Variants in LGMN observed in about 807,000 individuals in gnomAD.
LGMN encodes asparaginyl endopeptidase.
In LGMN, 36 loss-of-function variants were observed where a neutral mutation model predicts 56.8. The observed-to-expected ratio is 0.63, with a 90% CI of 0.49 to 0.84. LGMN has a LOEUF of 0.84. LGMN is among the 40% of genes least tolerant of loss of function. The pLI is 0.00. For synonymous variants in LGMN, 199 were observed against 210.1 expected, an observed-to-expected ratio of 0.95 and a Z score of 0.46; for missense variants, 446 against 556.1, an observed-to-expected ratio of 0.80 and a Z score of 1.99.
At chr14:92,705,830 G>A (rs1482151526) in intron 12 of LGMN, among the ~76,000 whole-genome samples, 1 of 152,138 alleles carries the variant, frequency 6.6e-6, no homozygotes, top group Non-Finnish European at 1.5e-5. Context: ...GTCTTACCAT[G>A]TTGGCCAGGC....
At chr14:92,715,902 T>G in intron 5 of LGMN, 1 of 321,582 alleles carries the variant, frequency 3.1e-6, no homozygotes, top group East Asian at 6.4e-5. Context: ...AGGAACATTT[T>G]ATTAATAATG....
intron 2 of LGMN, 56 bp from the exon 3 acceptor site, chr14:92,718,900 G>T: frequency 8.5e-7 from 1 of 1,182,144 alleles, no homozygotes; most frequent in Non-Finnish European, 1.3e-6. Flanking sequence ...CAATTTTGGA[G>T]TTCTAAGGAG....
At chr14:92,717,854 C>T (rs1006524322) in intron 3 of LGMN, among the ~76,000 whole-genome samples, 2 of 152,156 alleles carry the variant, frequency 1.3e-5, no homozygotes, top group African/African-American at 2.4e-5. Context: ...GGCGTTAAAG[C>T]GTCAGAGTGG....
At chr14:92,724,574 T>TC (rs1890652999) in intron 2 of LGMN, among the ~76,000 whole-genome samples, 1 of 152,148 alleles carries the variant, frequency 6.6e-6, no homozygotes, top group African/African-American at 2.4e-5. Context: ...TACTGTATTT[T>TC]CCCCGCATAA....
chr14:92,717,528 A>C, intron 3 of LGMN, 67 bp from the exon 4 acceptor site: 3 of 1,143,248 alleles, frequency 2.6e-6, no homozygotes, highest in Non-Finnish European at 4.0e-6. Context: ...CTTCAAACAC[A>C]TGTATGTTAT....
intron 1 of LGMN, among the ~76,000 whole-genome samples, chr14:92,734,657 A>C (rs1409004068): frequency 6.6e-6 from 1 of 152,152 alleles, no homozygotes; most frequent in Non-Finnish European, 1.5e-5. Flanking sequence ...AAAAAAAAAA[A>C]AAACTTTATT....
At chr14:92,741,004 T>G (rs571280685) in intron 1 of LGMN, 1 of 152,110 alleles carries the variant, frequency 6.6e-6, no homozygotes, top group Non-Finnish European at 1.5e-5. Flanking sequence ...CTGGCCAACA[T>G]GGTGAAACCC....
rs1356012565 is a variant in LGMN, at chr14:92,719,183, T to TCACCACCACCGCCACCAA, written c.139-357_139-340dup. ...GCCACCACCACCACCACCACCACCA[T>TCACCACCACCGCCACCAA]CACCACCACCGCCACCAACACCACC... On this transcript the variant is annotated intron_variant, in intron 2 of 13. Transcript: ENST00000334869. Among the ~76,000 whole-genome samples, 8 of 22,096 alleles carry TCACCACCACCGCCACCAA rather than the reference T, an allele frequency of 3.6e-4. 1 individual carries two copies. The highest frequency in any genetic ancestry group is 6.3e-4 in the Non-Finnish European group (7 of 11,122). 14.5% of individuals were successfully genotyped at this position (22,096 alleles called of 152,430 possible).
chr14:92,707,261 A>C (rs986581228), intron 11 of LGMN, among the ~76,000 whole-genome samples: 9 of 151,438 alleles, frequency 5.9e-5, no homozygotes, highest in African/African-American at 2.2e-4. Context: ...AAAAAAAAAA[A>C]AACCTTCACT....
At position 92,709,704 on chromosome 14, in the gene LGMN, G is replaced by T. The variant is rs746702295; in HGVS notation, c.988C>A (p.Gln330Lys). The change falls in exon 11 of 14, where the codon CAG becomes AAG. Residue 330 changes from glutamine to lysine, a missense_variant. Transcript: ENST00000334869. ...TGCCGCTGGATCTCCTCCGTGAGCT[G>T]CCTGGACTCCTCCAGATCATTGGTG... ...MNTNDLEESR[Q>K]LTEEIQRHLD... 5.0e-6 allele frequency: 8 copies of T among 1,613,636 alleles called. No homozygotes were observed. The African/African-American group carries it at 8.0e-5, about 16-fold the overall frequency.
chr14:92,726,334 T>C (rs889733979), intron 2 of LGMN, among the ~76,000 whole-genome samples: 4 of 151,964 alleles, frequency 2.6e-5, no homozygotes, highest in African/African-American at 7.3e-5. Flanking sequence ...GGCCACTCCC[T>C]CTCGCCTCCG....
chr14:92,729,404 T>C (rs1764049344), intron 2 of LGMN, among the ~76,000 whole-genome samples: 1 of 125,122 alleles, frequency 8.0e-6, no homozygotes, highest in Admixed American at 8.8e-5. Context: ...AAAGGGGCCC[T>C]CCTTACTCAC....
At position 92,709,812 on chromosome 14, in the gene LGMN, C is replaced by T. The variant is rs144367876; in HGVS notation, c.880G>A (p.Val294Ile). Reference protein sequence around the residue: ...QGMKRKASSPVPLPPVTHLDL... With the variant: ...QGMKRKASSPIPLPPVTHLDL... ...AGGTGTGTGACTGGAGGTAGGGGGA[C>T]GGGAGAACTGGCTTTGCGTTTCATA... The change falls in exon 11 of 14, where the codon GTC (valine) becomes ATC (isoleucine). Residue 294 changes from valine to isoleucine, a missense_variant. By Grantham distance (29) the Val-to-Ile change is conservative. Transcript: ENST00000334869. The T allele has an allele frequency of 1.4e-3, 2,190 of 1,613,576 alleles. 48 individuals carry two copies. In the South Asian group the frequency reaches 0.022, roughly 16 times the overall value.
At chr14:92,716,335 A>G (rs772917272) in intron 4 of LGMN, 114 bp from the exon 5 acceptor site, 25 of 789,678 alleles carry the variant, frequency 3.2e-5, no homozygotes, top group Non-Finnish European at 5.6e-5. Flanking sequence ...CTCATGGCTT[A>G]ACAGCAAACA....
At chr14:92,717,346 A>G (rs1280774797) in intron 4 of LGMN, 34 bp downstream of exon 4, 1 of 1,325,938 alleles carries the variant, frequency 7.5e-7, no homozygotes, top group East Asian at 2.4e-5. Context: ...AATGAAAACT[A>G]AACCAGCTGG....
At chr14:92,729,599 A>C (rs1890944624) in intron 2 of LGMN, among the ~76,000 whole-genome samples, 1 of 151,974 alleles carries the variant, frequency 6.6e-6, no homozygotes, top group South Asian at 2.1e-4. Flanking sequence ...GCAATGATTT[A>C]TTTGTGCCTG....
chr14:92,704,956 AG>A, intron 12 of LGMN: 1 of 433,998 alleles, frequency 2.3e-6, no homozygotes, highest in Non-Finnish European at 4.4e-6. Context: ...ATCTGAGGGC[AG>A]GACTCCTGAC....
Position 92,718,740 on chromosome 14 carries a change from C to T in LGMN, c.236+7G>A. ...TCCCCACCAAGTTCCAAGTGTTCCC[C>T]ACTTACTCTTCAGAGTAAGCAATGT... On this transcript the variant is annotated splice_region_variant and intron_variant, in intron 3 of 13. Coordinates refer to ENST00000334869, the MANE Select transcript of LGMN (RefSeq NM_005606.7). The T allele has an allele frequency of 1.9e-6, 3 of 1,582,098 alleles. No individual in the cohort carries two copies. Among genetic ancestry groups the T allele is most frequent in the Non-Finnish European group, 2.6e-6 (3 of 1,151,548 alleles).
chr14:92,708,075 C>T (rs561904470), intron 11 of LGMN, among the ~76,000 whole-genome samples: 63 of 151,376 alleles, frequency 4.2e-4, no homozygotes, highest in African/African-American at 1.2e-3. Flanking sequence ...CGCTTGAACC[C>T]GGGAGGCAGA....
Sources: gnomAD v4.1 joint callset for allele counts (sites outside exome capture counted in the v4.1 genomes callset) on GRCh38, gnomAD v4.1.1 for gene constraint, MANE v1.5 for transcripts, NCBI Gene and HGNC (gene_info 2026-07-23, HGNC 2026-07-21) for gene names.